ADAMTSL1: variants seen among roughly 807,000 people sequenced by gnomAD.
ADAMTSL1 encodes ADAMTS-like protein 1.
A neutral mutation model predicts 201.8 loss-of-function variants in ADAMTSL1; 126 were observed. The ratio of observed to expected loss-of-function variants is 0.62; its 90% confidence interval spans 0.54 to 0.72. The LOEUF is 0.72. ADAMTSL1 is among the 30% of genes least tolerant of loss of function. The pLI, the probability that ADAMTSL1 is intolerant of heterozygous loss-of-function variation, is 0.00. For synonymous variants in ADAMTSL1, 1,121 were observed against 903.4 expected (o/e 1.24, Z -4.32); for missense variants, 2,679 against 2,277.8 (o/e 1.18, Z -3.59).
chr9:18,011,550 G>C (rs150482424), intron 1 of ADAMTSL1, among the ~76,000 whole-genome samples: 1 of 152,124 alleles, frequency 6.6e-6, no homozygotes, highest in Non-Finnish European at 1.5e-5. Context: ...ACAAGCTCTG[G>C]AAATCTGCCT....
At position 18,155,428 on chromosome 9, in the gene ADAMTSL1, T is replaced by A. The variant is rs1827110306; in HGVS notation, c.88-8434T>A. On this transcript the variant is annotated intron_variant, in intron 1 of 29. Transcript: ENST00000680146. Reference sequence around the variant, plus strand: ...AGAGCTGTCTGTCACCCACTAGTTCTGATCATTACTTCAAAACACTGTGGA... The same window carrying A: ...AGAGCTGTCTGTCACCCACTAGTTCAGATCATTACTTCAAAACACTGTGGA... 3.3e-5 allele frequency among the ~76,000 whole-genome samples: 5 copies of A among 152,172 alleles called. No individual in the cohort carries two copies. The South Asian group carries it at 1.0e-3, about 32-fold the overall frequency.
chr9:18,666,933 C>G (rs1307546866), intron 9 of ADAMTSL1, among the ~76,000 whole-genome samples: 3 of 151,214 alleles, frequency 2.0e-5, no homozygotes, highest in Non-Finnish European at 4.4e-5. Flanking sequence ...AATCAGAGAA[C>G]CACCTTTGCA....
chr9:18,236,158 C>T (rs1830839940), intron 2 of ADAMTSL1, among the ~76,000 whole-genome samples: 1 of 152,196 alleles, frequency 6.6e-6, no homozygotes, highest in Non-Finnish European at 1.5e-5. Context: ...GCAACCTCCG[C>T]CTCCCAGGTT....
intron 2 of ADAMTSL1, among the ~76,000 whole-genome samples, chr9:18,303,121 G>A (rs543334167): frequency 1.3e-5 from 2 of 152,276 alleles, no homozygotes; most frequent in South Asian, 2.1e-4. Flanking sequence ...TAGTTAGTAG[G>A]TACTTATTTA....
chr9:18,725,005 T>C (rs938133206), intron 15 of ADAMTSL1, among the ~76,000 whole-genome samples: 6 of 152,008 alleles, frequency 3.9e-5, no homozygotes, highest in Non-Finnish European at 8.8e-5. Flanking sequence ...CTCCCGGGTT[T>C]ACACCATTCT....
intron 1 of ADAMTSL1, among the ~76,000 whole-genome samples, chr9:18,135,045 T>G (rs1826102571): frequency 6.6e-6 from 1 of 152,172 alleles, no homozygotes; most frequent in Admixed American, 6.5e-5. Flanking sequence ...GCCTTTTCTT[T>G]TCTCATTGTT....
rs73414830 is a variant in ADAMTSL1, at chr9:17,910,145, C to T, written c.87+3223C>T. On this transcript the variant is annotated intron_variant, in intron 1 of 29. Coordinates refer to the ADAMTSL1 transcript ENST00000680146. ...TCGAGGCCCTTACCTTCCACTTCCT[C>T]ATCTGTTAAGTGAGGGTGTTGGCCC... Among the ~76,000 whole-genome samples the T allele has an allele frequency of 8.2e-3, 557 of 68,048 alleles. 138 individuals are homozygous for T. The highest frequency in any genetic ancestry group is 0.015 in the African/African-American group (525 of 33,926). 44.6% of individuals were successfully genotyped at this position (68,048 alleles called of 152,430 possible).
intron 16 of ADAMTSL1, among the ~76,000 whole-genome samples, chr9:18,765,405 G>A (rs1316514800): frequency 1.3e-5 from 2 of 149,906 alleles, no homozygotes; most frequent in Non-Finnish European, 3.0e-5. Context: ...GCTTGATGTC[G>A]TTTTGAGGTT....
rs148996091 is a variant in ADAMTSL1, at chr9:18,611,490, A to G, written c.475-10753A>G. On this transcript the variant is annotated intron_variant, in intron 4 of 28. Transcript: ENST00000380548. Reference sequence around the variant, plus strand: ...ACTAAAGAAACAAATTTCACCAAAAACAATACACAAAAAAATCCAGATGTG... The same window carrying G: ...ACTAAAGAAACAAATTTCACCAAAAGCAATACACAAAAAAATCCAGATGTG... 3.7e-3 allele frequency among the ~76,000 whole-genome samples: 567 copies of G among 152,308 alleles called. 4 individuals are homozygous for G. Among genetic ancestry groups the G allele is most frequent in the African/African-American group, 0.011 (476 of 41,578 alleles).
At chr9:18,467,803 A>G (rs1179838242) in intron 2 of ADAMTSL1, among the ~76,000 whole-genome samples, 2 of 152,172 alleles carry the variant, frequency 1.3e-5, no homozygotes, top group Middle Eastern at 3.2e-3. Flanking sequence ...TTATCCTGGG[A>G]CTGGAAGCAG....
At chr9:18,051,662 T>C (rs937644978) in intron 1 of ADAMTSL1, among the ~76,000 whole-genome samples, 2 of 152,198 alleles carry the variant, frequency 1.3e-5, no homozygotes, top group East Asian at 3.9e-4. Flanking sequence ...ATCCAGTTAT[T>C]ATCAGTCTTA....
At chr9:18,112,058 C>A (rs1239763024) in intron 1 of ADAMTSL1, among the ~76,000 whole-genome samples, 1 of 152,146 alleles carries the variant, frequency 6.6e-6, no homozygotes, top group Admixed American at 6.6e-5. Flanking sequence ...GTATTTATTT[C>A]ACCACACTTA....
At chr9:18,023,844 C>G (rs532424986) in intron 1 of ADAMTSL1, among the ~76,000 whole-genome samples, 2 of 152,186 alleles carry the variant, frequency 1.3e-5, no homozygotes, top group African/African-American at 4.8e-5. Context: ...TATAGCAATG[C>G]AGAGAATTCA....
chr9:17,955,264 C>T (rs969689853), intron 1 of ADAMTSL1, among the ~76,000 whole-genome samples: 12 of 152,150 alleles, frequency 7.9e-5, no homozygotes, highest in Admixed American at 6.6e-4. Flanking sequence ...GATGCTGCAT[C>T]AACTAAGTGG....
intron 1 of ADAMTSL1, among the ~76,000 whole-genome samples, chr9:18,154,019 G>T (rs1343834289): frequency 6.6e-6 from 1 of 151,960 alleles, no homozygotes; most frequent in Admixed American, 6.6e-5. Flanking sequence ...AATCACAGGG[G>T]CCTGCTAAAA....
At position 18,036,358 on chromosome 9, in the gene ADAMTSL1, A is replaced by G. The variant is rs186423579; in HGVS notation, c.88-127504A>G. On this transcript the variant is annotated intron_variant, in intron 1 of 29. Coordinates refer to the ADAMTSL1 transcript ENST00000680146. ...TTCTCCGTATACTCTGCATTACCCC[A>G]TGTAATAAAATGCTTTTCAGAATAT... 5.1e-4 allele frequency among the ~76,000 whole-genome samples: 77 copies of G among 152,280 alleles called. No individual in the cohort carries two copies. In the East Asian group the frequency reaches 9.3e-3, roughly 18 times the overall value.
chr9:18,280,244 G>A (rs1270709017), intron 2 of ADAMTSL1, among the ~76,000 whole-genome samples: 1 of 152,098 alleles, frequency 6.6e-6, no homozygotes, highest in Admixed American at 6.5e-5. Context: ...GTCCATGGGT[G>A]CTGGCCTGAA....
chr9:18,780,007 G>C (rs1319683563), intron 19 of ADAMTSL1, among the ~76,000 whole-genome samples: 1 of 152,244 alleles, frequency 6.6e-6, no homozygotes, highest in South Asian at 2.1e-4. Context: ...GCTGTGGAAC[G>C]AGACAGGGCA....
intron 1 of ADAMTSL1, among the ~76,000 whole-genome samples, chr9:18,126,701 A>C (rs1825744385): frequency 6.6e-6 from 1 of 152,186 alleles, no homozygotes; most frequent in Non-Finnish European, 1.5e-5. Context: ...AGTAACACGG[A>C]GATGGAGGCA....
Sources: gnomAD v4.1 joint callset for allele counts (sites outside exome capture counted in the v4.1 genomes callset) on GRCh38, gnomAD v4.1.1 for gene constraint, MANE v1.5 for transcripts, NCBI Gene and HGNC (gene_info 2026-07-23, HGNC 2026-07-21) for gene names.